The following ASTN2 variants were observed in gnomAD, a reference collection of about 807,000 sequenced individuals.
ASTN2 encodes astrotactin 2.
In ASTN2, 54 loss-of-function variants were observed where a neutral mutation model predicts 139.8. That is an observed-to-expected ratio of 0.39 (90% CI 0.31 to 0.48). ASTN2 has a LOEUF of 0.48. ASTN2 is among the 20% of genes least tolerant of loss of function. ASTN2 has a pLI of 0.95. For missense variants in ASTN2, 1,565 were observed against 1,725.1 expected, an observed-to-expected ratio of 0.91 and a Z score of 1.64; for synonymous variants, 756 against 719.5, an observed-to-expected ratio of 1.05 and a Z score of -0.81.
intron 10 of ASTN2, among the ~76,000 whole-genome samples, chr9:116,928,106 C>T (rs1259855019): frequency 6.6e-6 from 1 of 152,192 alleles, no homozygotes; most frequent in African/African-American, 2.4e-5. Flanking sequence ...CCTCCCTCTT[C>T]CAAATTATGT....
At chr9:117,121,117 T>C (rs1218893336) in intron 4 of ASTN2, among the ~76,000 whole-genome samples, 3 of 152,250 alleles carry the variant, frequency 2.0e-5, no homozygotes, top group Non-Finnish European at 2.9e-5. Context: ...TAGGCATCAC[T>C]ACACATTTGT....
At chr9:117,289,509 T>C (rs1834532690) in intron 2 of ASTN2, among the ~76,000 whole-genome samples, 1 of 152,134 alleles carries the variant, frequency 6.6e-6, no homozygotes, top group South Asian at 2.1e-4. Flanking sequence ...CATTTATAAT[T>C]GAGATAATAC....
At chr9:117,138,765 C>T (rs1830008849) in intron 4 of ASTN2, among the ~76,000 whole-genome samples, 1 of 152,068 alleles carries the variant, frequency 6.6e-6, no homozygotes, top group Non-Finnish European at 1.5e-5. Flanking sequence ...TTCTGAGACC[C>T]CATCTAACTT....
At chr9:117,379,473 C>T (rs189828951) in intron 1 of ASTN2, among the ~76,000 whole-genome samples, 1 of 152,292 alleles carries the variant, frequency 6.6e-6, no homozygotes, top group Non-Finnish European at 1.5e-5. Context: ...TCCAGTCATC[C>T]TGCCTTAGAT....
intron 17 of ASTN2, among the ~76,000 whole-genome samples, chr9:116,639,177 T>A (rs1287414753): frequency 6.6e-6 from 1 of 152,122 alleles, no homozygotes; most frequent in Non-Finnish European, 1.5e-5. Context: ...TTAACAGTGC[T>A]CTCCCAAATG....
rs1214119517 is a variant in ASTN2, at chr9:116,423,309, C to T, written c.*2542G>A. Among the ~76,000 whole-genome samples, 1 of 152,188 alleles carries T rather than the reference C, an allele frequency of 6.6e-6. No individual in the cohort carries two copies. Among genetic ancestry groups the T allele is most frequent in the Non-Finnish European group, 1.5e-5 (1 of 68,032 alleles). The stretch of plus-strand genomic sequence containing the variant: ...TATCATTCAAGCTGGGAAACAACCC[C>T]TTGAGGTGGGACCAGCATTGACTCC... On this transcript the variant is annotated 3_prime_UTR_variant, in exon 23 of 23. Transcript: ENST00000313400.
chr9:116,980,600 A>G (rs1156949977), intron 7 of ASTN2, among the ~76,000 whole-genome samples: 1 of 151,800 alleles, frequency 6.6e-6, no homozygotes, highest in Non-Finnish European at 1.5e-5. Flanking sequence ...GAGCACCAAG[A>G]CTCTGCTGTT....
intron 19 of ASTN2, among the ~76,000 whole-genome samples, chr9:116,604,106 T>G (rs901728114): frequency 6.6e-6 from 1 of 152,176 alleles, no homozygotes; most frequent in Admixed American, 6.5e-5. Context: ...ACTCTCCTTG[T>G]TGACTGCAAG....
At chr9:117,063,900 G>A (rs910909396) in intron 5 of ASTN2, among the ~76,000 whole-genome samples, 2 of 152,018 alleles carry the variant, frequency 1.3e-5, no homozygotes, top group East Asian at 1.9e-4. Context: ...AGAGCTAGCC[G>A]AGAGCTATAA....
chr9:117,145,922 G>C lies in ASTN2; in HGVS notation c.1016-4444C>G, dbSNP rs140751615. ...TTCTTCTAAGCTGATACAGATTTGA[G>C]TGGCTGGGAAAAGAAGGCACACAGA... On this transcript the variant is annotated intron_variant, in intron 3 of 22. Transcript: ENST00000313400. Among the ~76,000 whole-genome samples the C allele has an allele frequency of 4.3e-3, 656 of 152,084 alleles. 4 individuals are homozygous for C. The highest frequency in any genetic ancestry group is 0.015 in the African/African-American group (612 of 41,490).
At chr9:117,230,116 TAAAA>T (rs11336686) in intron 2 of ASTN2, among the ~76,000 whole-genome samples, 1 of 138,674 alleles carries the variant, frequency 7.2e-6, no homozygotes, top group African/African-American at 2.7e-5. Context: ...GACTCTATCT[TAAAA>T]AAAAAAAAAA....
chr9:116,966,378 A>G (rs2132511337), intron 10 of ASTN2, among the ~76,000 whole-genome samples: 1 of 152,272 alleles, frequency 6.6e-6, no homozygotes, highest in Admixed American at 6.5e-5. Flanking sequence ...TTTCAGTTTC[A>G]TTTAGCAGAG....
chr9:117,121,990 A>G (rs1401830638), intron 4 of ASTN2, among the ~76,000 whole-genome samples: 1 of 152,196 alleles, frequency 6.6e-6, no homozygotes, highest in Non-Finnish European at 1.5e-5. Flanking sequence ...AACTGGTCAT[A>G]TAATTTGACA....
chr9:116,707,105 C>T (rs967197311), intron 16 of ASTN2, among the ~76,000 whole-genome samples: 12 of 151,534 alleles, frequency 7.9e-5, no homozygotes, highest in South Asian at 6.3e-4. Flanking sequence ...CATTGTATGG[C>T]GTACTCAAAA....
chr9:117,206,514 C>G (rs571445860), intron 3 of ASTN2, among the ~76,000 whole-genome samples: 24 of 152,126 alleles, frequency 1.6e-4, no homozygotes, highest in African/African-American at 5.8e-4. Context: ...GTTGCTGCAG[C>G]ACGGTACACA....
chr9:117,180,756 G>C, intron 3 of ASTN2: 3 of 1,573,152 alleles, frequency 1.9e-6, no homozygotes, highest in Admixed American at 1.7e-5. Context: ...GGATGTACTT[G>C]ACCCCACAGC....
At chr9:116,623,950 GA>G (rs544773568) in intron 17 of ASTN2, among the ~76,000 whole-genome samples, 108 of 152,208 alleles carry the variant, frequency 7.1e-4, no homozygotes, top group Admixed American at 1.8e-3. Flanking sequence ...GTGTTTGAGA[GA>G]AAATGAAACC....
chr9:117,223,776 C>T (rs1383046569), intron 2 of ASTN2, among the ~76,000 whole-genome samples: 1 of 152,162 alleles, frequency 6.6e-6, no homozygotes. Flanking sequence ...TATGTTAATA[C>T]ATCTATAGTT....
chr9:116,729,269 C>A (rs772643454), intron 14 of ASTN2, among the ~76,000 whole-genome samples, 173 bp from the exon 15 acceptor site: 1 of 152,180 alleles, frequency 6.6e-6, no homozygotes, highest in Non-Finnish European at 1.5e-5. Context: ...GGTCTCTAAT[C>A]TCAGCCCTAC....
Sources: gnomAD v4.1 joint callset for allele counts (sites outside exome capture counted in the v4.1 genomes callset) on GRCh38, gnomAD v4.1.1 for gene constraint, MANE v1.5 for transcripts, NCBI Gene and HGNC (gene_info 2026-07-23, HGNC 2026-07-21) for gene names.